The following ATAT1 variants were observed in gnomAD, a reference collection of about 807,000 sequenced individuals.
The protein encoded by ATAT1 is alpha tubulin acetyltransferase 1, also known as alpha-tubulin N-acetyltransferase 1.
ATAT1 carries 42 observed loss-of-function variants against 57.2 expected under a neutral mutation model. The observed-to-expected ratio is 0.73, with a 90% CI of 0.57 to 0.95. The LOEUF (loss-of-function observed/expected upper bound fraction) is 0.95. Among genes scored for constraint, ATAT1 ranks in the 40% least tolerant of loss-of-function variants. The pLI, the probability that ATAT1 is intolerant of heterozygous loss-of-function variation, is 0.00. For synonymous variants in ATAT1, 168 were observed against 187.1 expected (o/e 0.90, Z 0.83); for missense variants, 454 against 523.7 (o/e 0.87, Z 1.30).
chr6:30,642,336 T>C, intron 9 of ATAT1, 89 bp downstream of exon 9: 17 of 1,566,068 alleles, frequency 1.1e-5, no homozygotes, highest in Non-Finnish European at 1.5e-5. Flanking sequence ...AAGGATTCGT[T>C]CTCTCTAAAG....
At chr6:30,627,806 C>G (rs767344239) in intron 3 of ATAT1, 45 bp from the exon 4 acceptor site, 1 of 1,604,576 alleles carries the variant, frequency 6.2e-7, no homozygotes, top group South Asian at 1.1e-5. Context: ...CTATCTCTTG[C>G]AGATAGATAC....
chr6:30,628,228 C>A, intron 5 of ATAT1, 83 bp downstream of exon 5: 5 of 1,525,178 alleles, frequency 3.3e-6, no homozygotes, highest in Middle Eastern at 1.7e-4. Context: ...CTCCCACCCC[C>A]CATGTTCCCA....
rs1423948246 is a variant in ATAT1 at position 30,627,604 on chromosome 6, T to C, written c.133-32T>C. On this transcript the variant is annotated intron_variant, in intron 2 of 12. Transcript: ENST00000330083. The stretch of plus-strand genomic sequence containing the variant: ...GGAGGCCTGGGTCCTTCGGAGAGAC[T>C]TGCAGAAAGTCTGACTTAATCTTCC... 5.0e-6 allele frequency: 8 copies of C among 1,610,304 alleles called. No homozygotes were observed. The South Asian group carries it at 5.5e-5, about 11-fold the overall frequency.
At chr6:30,643,904 A>C in intron 10 of ATAT1, 9 of 1,190,226 alleles carry the variant, frequency 7.6e-6, no homozygotes, top group Admixed American at 3.9e-5. Flanking sequence ...TTAGACCACC[A>C]TGGAAGGTCT....
intron 6 of ATAT1, among the ~76,000 whole-genome samples, chr6:30,636,150 T>A (rs1200160688): frequency 6.6e-6 from 1 of 152,144 alleles, no homozygotes; most frequent in Non-Finnish European, 1.5e-5. Flanking sequence ...GGACATGGAT[T>A]TGAGTGCTAT....
At chr6:30,643,727 C>CA in intron 10 of ATAT1, 1 of 1,432,956 alleles carries the variant, frequency 7.0e-7, no homozygotes, top group Non-Finnish European at 9.2e-7. Flanking sequence ...GTCAGGGTCT[C>CA]AAACTGCCTA....
In ATAT1 at chr6:30,642,833, GCCCAC is replaced by G; in HGVS notation, c.757_761del (p.His253ThrfsTer45). ...GGCCCCTCGCCGCGCCACACCTCCA[GCCCAC>G]CCACCCCCCCGCTCCAGCAGCCTGG... On this transcript the variant is annotated frameshift_variant, in exon 10 of 13. Coordinates refer to ENST00000330083, the MANE Select transcript of ATAT1 (RefSeq NM_001031722.4). LOFTEE classifies it high-confidence loss of function. 9 of 1,537,796 alleles carry G rather than the reference GCCCAC, an allele frequency of 5.9e-6. No individual in the cohort carries two copies. Among genetic ancestry groups the G allele is most frequent in the Admixed American group, 1.9e-5 (1 of 52,404 alleles).
chr6:30,634,244 T>C (rs371396394), intron 6 of ATAT1, among the ~76,000 whole-genome samples: 2 of 152,244 alleles, frequency 1.3e-5, no homozygotes, highest in African/African-American at 4.8e-5. Context: ...TTTGTACATA[T>C]TGTTAGGGTC....
intron 6 of ATAT1, among the ~76,000 whole-genome samples, chr6:30,637,561 TA>T (rs1764394612): frequency 6.6e-6 from 1 of 151,706 alleles, no homozygotes; most frequent in Non-Finnish European, 1.5e-5. Context: ...CATGTGCCTG[TA>T]ATCCCAGCTA....
rs140354978 is a variant in ATAT1 at position 30,644,671 on chromosome 6, A to C, written c.933-1224A>C. On this transcript the variant is annotated intron_variant, in intron 10 of 12. Transcript: ENST00000330083. Reference sequence around the variant, plus strand: ...ATTTTCAATGAAAAAAAGAATCACAAAAAAAAAAGTTGTCAGCCTCATTTG... The same window carrying C: ...ATTTTCAATGAAAAAAAGAATCACACAAAAAAAAGTTGTCAGCCTCATTTG... 5.7e-4 allele frequency: 551 copies of C among 975,048 alleles called. No individual in the cohort carries two copies. The African/African-American group carries it at 6.0e-3, about 11-fold the overall frequency. 60.4% of individuals were successfully genotyped at this position (975,048 alleles called of 1,614,324 possible). A position where few individuals can be genotyped will look rare whatever the true frequency, so the allele number is the denominator to read the frequency against.
At chr6:30,628,253 C>T in intron 5 of ATAT1, 76 bp from the exon 6 acceptor site, 2 of 1,545,670 alleles carry the variant, frequency 1.3e-6, no homozygotes, top group Non-Finnish European at 1.8e-6. Context: ...ATTCTATTCC[C>T]TTCCCAGGCT....
At chr6:30,645,496 G>A (rs549930332) in intron 10 of ATAT1, among the ~76,000 whole-genome samples, 1 of 152,236 alleles carries the variant, frequency 6.6e-6, no homozygotes, top group South Asian at 2.1e-4. Context: ...TTACAAGCCT[G>A]AGCCACCGCG....
intron 10 of ATAT1, chr6:30,643,416 C>T (rs1370299551): frequency 6.6e-6 from 10 of 1,506,726 alleles, no homozygotes; most frequent in African/African-American, 1.4e-5. Flanking sequence ...AGGGAGTGGG[C>T]ATTTCCTTTA....
At chr6:30,635,065 T>C (rs1009907301) in intron 6 of ATAT1, among the ~76,000 whole-genome samples, 1 of 152,194 alleles carries the variant, frequency 6.6e-6, no homozygotes, top group Non-Finnish European at 1.5e-5. Context: ...AGTTGTACCA[T>C]AAGTAGTTGG....
chr6:30,642,833 G>GGGCGCCCCCCCCCCCCCCCCCCCCCCCCC lies in ATAT1; in HGVS notation c.754_755insGGCGCCCCCCCCCCCCCCCCCCCCCCCCC (p.Ala252GlyfsTer77). The stretch of plus-strand genomic sequence containing the variant: ...GGCCCCTCGCCGCGCCACACCTCCA[G>GGGCGCCCCCCCCCCCCCCCCCCCCCCCCC]CCCACCCACCCCCCCGCTCCAGCAG... On this transcript the variant is annotated frameshift_variant, in exon 10 of 13. Transcript: ENST00000330083. LOFTEE classifies it high-confidence loss of function. The GGGCGCCCCCCCCCCCCCCCCCCCCCCCCC allele has an allele frequency of 6.5e-7, 1 of 1,537,878 alleles. No homozygotes were observed.
At chr6:30,627,606 G>C in intron 2 of ATAT1, 30 bp from the exon 3 acceptor site, 12 of 1,610,330 alleles carry the variant, frequency 7.5e-6, no homozygotes, top group Non-Finnish European at 1.0e-5. Context: ...GGAGAGACTT[G>C]CAGAAAGTCT....
At chr6:30,646,414 C>A in intron 12 of ATAT1, 55 bp from the exon 13 acceptor site, 1 of 1,477,238 alleles carries the variant, frequency 6.8e-7, no homozygotes, top group Non-Finnish European at 9.0e-7. Context: ...AGTCTGTAAT[C>A]TTAATTTCCT....
At position 30,644,518 on chromosome 6, in the gene ATAT1, G is replaced by T. The variant is rs143958827; in HGVS notation, c.933-1377G>T. On this transcript the variant is annotated intron_variant, in intron 10 of 12. Transcript: ENST00000330083. ...TACCCTCTGAATGTGTGCTAGATCA[G>T]GTGCCCCACTGTGTTTCCTGAAATC... 8.5e-4 allele frequency: 837 copies of T among 985,792 alleles called. 3 individuals are homozygous for T. Among genetic ancestry groups the T allele is most frequent in the Non-Finnish European group, 6.7e-4 (559 of 829,940 alleles). The allele number at this position is 985,792 out of a possible 1,614,324, so 61.1% of individuals were successfully genotyped here.
At chr6:30,636,468 C>T (rs1170576258) in intron 6 of ATAT1, among the ~76,000 whole-genome samples, 2 of 152,086 alleles carry the variant, frequency 1.3e-5, no homozygotes, top group Admixed American at 6.6e-5. Context: ...CGCCTGTAGT[C>T]CCAGCTAATC....
Sources: gnomAD v4.1 joint callset for allele counts (sites outside exome capture counted in the v4.1 genomes callset) on GRCh38, gnomAD v4.1.1 for gene constraint, MANE v1.5 for transcripts, NCBI Gene and HGNC (gene_info 2026-07-23, HGNC 2026-07-21) for gene names.